Variants in CAPN7 observed in about 807,000 individuals in gnomAD.
The protein encoded by CAPN7 is calpain 7.
In CAPN7, 72 loss-of-function variants were observed where a neutral mutation model predicts 115.2. That is an observed-to-expected ratio of 0.63 (90% CI 0.52 to 0.76). CAPN7 has a LOEUF of 0.76. Ranked by LOEUF, CAPN7 falls within the 30% of genes least tolerant of loss-of-function variation. The pLI, the probability that CAPN7 is intolerant of heterozygous loss-of-function variation, is 0.00. For missense variants in CAPN7, 905 were observed against 971.5 expected (o/e 0.93, Z 0.91); for synonymous variants, 344 against 322.3 (o/e 1.07, Z -0.72).
intron 1 of CAPN7, among the ~76,000 whole-genome samples, chr3:15,208,059 T>G (rs570958363): frequency 2.6e-5 from 4 of 152,288 alleles, no homozygotes; most frequent in African/African-American, 9.6e-5. Flanking sequence ...GCTATGACAT[T>G]ATGATGGCTA....
At chr3:15,245,200 A>AAG (rs1420182482) in intron 16 of CAPN7, among the ~76,000 whole-genome samples, 1 of 151,824 alleles carries the variant, frequency 6.6e-6, no homozygotes, top group African/African-American at 2.4e-5. Flanking sequence ...TTCATCTCAA[A>AAG]AAAAAAACTA....
At chr3:15,207,976 A>C (rs748484353) in intron 1 of CAPN7, among the ~76,000 whole-genome samples, 14 of 152,124 alleles carry the variant, frequency 9.2e-5, no homozygotes, top group Non-Finnish European at 1.9e-4. Context: ...TGTGTGGTAG[A>C]CTTTTACACC....
chr3:15,220,904 AC>A lies in CAPN7; in HGVS notation c.563del (p.Pro188LeufsTer5). ...TGGGCGCTAATCCCTTCCTTGAAAGACCTCAGTCATTTATAAGTCCTCAGTC... is the reference window on the plus strand; with the variant it reads ...TGGGCGCTAATCCCTTCCTTGAAAGACTCAGTCATTTATAAGTCCTCAGTC... ...PLGANPFLER[P>X]QSFISPQSCD... On this transcript the variant is annotated frameshift_variant, in exon 5 of 21. Coordinates refer to ENST00000253693, the MANE Select transcript of CAPN7 (RefSeq NM_014296.3). LOFTEE classifies it high-confidence loss of function. The A allele has an allele frequency of 6.2e-7, 1 of 1,614,166 alleles. No individual in the cohort carries two copies. Among genetic ancestry groups the A allele is most frequent in the Non-Finnish European group, 8.5e-7 (1 of 1,179,992 alleles).
intron 19 of CAPN7, among the ~76,000 whole-genome samples, chr3:15,247,890 T>C (rs1457014802): frequency 6.6e-6 from 1 of 152,138 alleles, no homozygotes; most frequent in Admixed American, 6.5e-5. Flanking sequence ...ATGGATGAAA[T>C]TGGAAATCAT....
At chr3:15,208,107 A>G (rs2044731611) in intron 1 of CAPN7, among the ~76,000 whole-genome samples, 1 of 152,170 alleles carries the variant, frequency 6.6e-6, no homozygotes, top group African/African-American at 2.4e-5. Context: ...CAACTCCATT[A>G]TAATCTTAGG....
intron 10 of CAPN7, among the ~76,000 whole-genome samples, 169 bp from the exon 11 acceptor site, chr3:15,233,696 TCA>T (rs1694827479): frequency 6.6e-6 from 1 of 152,202 alleles, no homozygotes; most frequent in Non-Finnish European, 1.5e-5. Flanking sequence ...ATGTTCAAAT[TCA>T]GTTAGGAATT....
At chr3:15,214,415 T>C (rs949521753) in intron 2 of CAPN7, among the ~76,000 whole-genome samples, 1 of 151,958 alleles carries the variant, frequency 6.6e-6, no homozygotes, top group African/African-American at 2.4e-5. Context: ...TGGGGAAAGG[T>C]AACATAATTT....
At chr3:15,218,401 C>T in intron 3 of CAPN7, 72 bp from the exon 4 acceptor site, 1 of 1,152,426 alleles carries the variant, frequency 8.7e-7, no homozygotes, top group Admixed American at 1.9e-5. Context: ...AAATTTTTTG[C>T]TTAGAAATAT....
chr3:15,242,856 T>A (rs1695431648), intron 16 of CAPN7, among the ~76,000 whole-genome samples: 1 of 152,228 alleles, frequency 6.6e-6, no homozygotes, highest in Non-Finnish European at 1.5e-5. Flanking sequence ...CCACTTTGCT[T>A]TCACATTTTT....
At position 15,247,463 on chromosome 3, in the gene CAPN7, TG is replaced by T; in HGVS notation, c.2204+7del. 1 of 1,581,016 alleles carries T rather than the reference TG, an allele frequency of 6.3e-7. No homozygotes were observed. The highest frequency in any genetic ancestry group is 8.6e-7 in the Non-Finnish European group (1 of 1,169,058). ...ATTGAGCTACGAGGACCAAGGTTTG[TG>T]ATGAGTAACTTTCTTAAATTAATGA... On this transcript the variant is annotated splice_region_variant and intron_variant, in intron 19 of 20. Coordinates refer to ENST00000253693, the MANE Select transcript of CAPN7 (RefSeq NM_014296.3).
At chr3:15,227,437 A>G (rs1694386753) in intron 6 of CAPN7, among the ~76,000 whole-genome samples, 1 of 152,236 alleles carries the variant, frequency 6.6e-6, no homozygotes, top group African/African-American at 2.4e-5. Context: ...AGCTACACTC[A>G]TTATTAGCCT....
At chr3:15,208,575 C>T (rs2044760614) in intron 1 of CAPN7, among the ~76,000 whole-genome samples, 2 of 151,188 alleles carry the variant, frequency 1.3e-5, no homozygotes, top group African/African-American at 2.4e-5. Flanking sequence ...GAATTACAGG[C>T]GTGAGCCTCT....
intron 7 of CAPN7, 93 bp downstream of exon 7, chr3:15,228,058 A>G: frequency 5.5e-6 from 5 of 916,682 alleles, no homozygotes; most frequent in Non-Finnish European, 7.5e-6. Flanking sequence ...TTTTTATTAT[A>G]TATTCAGGTA....
chr3:15,206,943 G>T (rs1447179783), intron 1 of CAPN7, among the ~76,000 whole-genome samples: 7 of 152,238 alleles, frequency 4.6e-5, no homozygotes, highest in Non-Finnish European at 1.0e-4. Flanking sequence ...AGCGGGAAAT[G>T]GCCTGTGATA....
chr3:15,212,161 C>G lies in CAPN7; in HGVS notation c.160C>G (p.Gln54Glu). ...GGCAGGATCAAGCCTAGAAAATATT[C>G]AAGAAAAAATAACTGAGTATCTGGA... ...EMAGSSLENI[Q>E]EKITEYLERV... Residue 54 changes from glutamine to glutamate, a missense_variant, in exon 2 of 21, where the codon CAA becomes GAA. This residue lies in a region of CAPN7 where 271 missense variants were observed against 239.6 expected (regional missense o/e 1.13). Transcript: ENST00000253693. The G allele has an allele frequency of 6.2e-7, 1 of 1,610,438 alleles. No homozygotes were observed. The highest frequency in any genetic ancestry group is 8.5e-7 in the Non-Finnish European group (1 of 1,177,898).
chr3:15,210,830 A>G, intron 1 of CAPN7: 1 of 1,289,566 alleles, frequency 7.8e-7, no homozygotes, highest in Non-Finnish European at 1.0e-6. Context: ...TGCTCAAACA[A>G]CTGGATTCAA....
At chr3:15,221,017 T>C in intron 5 of CAPN7, 36 bp downstream of exon 5, 3 of 1,544,986 alleles carry the variant, frequency 1.9e-6, no homozygotes, top group Non-Finnish European at 2.7e-6. Flanking sequence ...ATGAAGAATT[T>C]TGTTAACATG....
chr3:15,235,171 A>G, intron 12 of CAPN7, 26 bp downstream of exon 12: 7 of 1,569,404 alleles, frequency 4.5e-6, no homozygotes, highest in Non-Finnish European at 6.0e-6. Flanking sequence ...TTTTTCTTTT[A>G]TTTTTCTTGT....
intron 6 of CAPN7, among the ~76,000 whole-genome samples, chr3:15,224,430 G>A (rs1265658160): frequency 6.6e-6 from 1 of 151,832 alleles, no homozygotes; most frequent in African/African-American, 2.4e-5. Context: ...GCACCATCAC[G>A]CCCAGCTAAT....
Sources: allele counts gnomAD v4.1 joint callset (sites outside exome capture counted in the v4.1 genomes callset), GRCh38; gene constraint gnomAD v4.1.1; regional missense constraint gnomAD v4.1.1; transcripts MANE v1.5; gene names NCBI Gene and HGNC (gene_info 2026-07-23, HGNC 2026-07-21).